The following CLSTN2 variants were observed in gnomAD, a reference collection of about 807,000 sequenced individuals.
CLSTN2 encodes calsyntenin-2.
Under a neutral mutation model 101.2 loss-of-function variants are expected in CLSTN2, and 48 were observed. The ratio of observed to expected loss-of-function variants is 0.47; its 90% CI spans 0.38 to 0.60. CLSTN2 has a LOEUF of 0.60. CLSTN2 is among the 20% of genes least tolerant of loss of function. The probability of loss-of-function intolerance (pLI) is 0.00; values close to 1 mark genes in which losing one functional copy is unlikely to be tolerated. For missense variants in CLSTN2, 1,160 were observed against 1,238.2 expected (o/e 0.94, Z 0.95); for synonymous variants, 481 against 463.6 (o/e 1.04, Z -0.48).
intron 1 of CLSTN2, among the ~76,000 whole-genome samples, chr3:140,115,903 C>T (rs970992342): frequency 5.3e-5 from 8 of 152,186 alleles, no homozygotes; most frequent in Non-Finnish European, 8.8e-5. Flanking sequence ...GAGTGGGCTC[C>T]GTTGTTAGGC....
chr3:140,481,056 G>A (rs1305506115), intron 8 of CLSTN2, among the ~76,000 whole-genome samples: 2 of 152,106 alleles, frequency 1.3e-5, no homozygotes, highest in Non-Finnish European at 2.9e-5. Flanking sequence ...CCTATGTTTT[G>A]TTCGAGGGTT....
chr3:140,108,856 G>C (rs2009105545), intron 1 of CLSTN2, among the ~76,000 whole-genome samples: 1 of 152,202 alleles, frequency 6.6e-6, no homozygotes, highest in African/African-American at 2.4e-5. Flanking sequence ...GAAAAGGATG[G>C]AGTTAGCATT....
At chr3:140,459,931 T>C (rs1226488153) in intron 7 of CLSTN2, among the ~76,000 whole-genome samples, 162 bp downstream of exon 7, 1 of 152,162 alleles carries the variant, frequency 6.6e-6, no homozygotes, top group African/African-American at 2.4e-5. Context: ...TTCTGGCTGC[T>C]GATTTTCCAG....
chr3:140,231,216 A>G lies in CLSTN2; in HGVS notation c.232+55143A>G, dbSNP rs145954605. The stretch of plus-strand genomic sequence containing the variant: ...GGGGCTCCCACTATCTCATCATGTC[A>G]CCCAAGAGCCCTTTCTAACTGAAGC... On this transcript the variant is annotated intron_variant, in intron 2 of 16. Coordinates refer to ENST00000458420, the MANE Select transcript of CLSTN2 (RefSeq NM_022131.3). Among the ~76,000 whole-genome samples the G allele has an allele frequency of 4.0e-5, 6 of 151,796 alleles. No individual in the cohort carries two copies. The East Asian group carries it at 1.2e-3, about 30-fold the overall frequency.
intron 2 of CLSTN2, among the ~76,000 whole-genome samples, chr3:140,356,533 G>A (rs1052903042): frequency 1.3e-5 from 2 of 152,074 alleles, no homozygotes; most frequent in African/African-American, 4.8e-5. Context: ...GCCAAGGTGG[G>A]CAGATCACAA....
intron 1 of CLSTN2, among the ~76,000 whole-genome samples, chr3:139,987,578 A>G (rs1279703284): frequency 6.6e-6 from 1 of 152,236 alleles, no homozygotes; most frequent in African/African-American, 2.4e-5. Context: ...TGCATAGGTA[A>G]GAGAGATATT....
intron 1 of CLSTN2, among the ~76,000 whole-genome samples, chr3:139,957,300 A>T (rs886513773): frequency 2.6e-5 from 4 of 152,024 alleles, no homozygotes; most frequent in Non-Finnish European, 4.4e-5. Flanking sequence ...TCCCAGCAGG[A>T]TCTGGGATGC....
intron 2 of CLSTN2, among the ~76,000 whole-genome samples, chr3:140,294,261 G>A (rs1379935996): frequency 6.6e-6 from 1 of 152,308 alleles, no homozygotes; most frequent in Non-Finnish European, 1.5e-5. Context: ...TAATTACAAA[G>A]TTTAGAAATT....
At position 140,441,901 on chromosome 3, in the gene CLSTN2, C is replaced by T. The variant is rs2088771163; in HGVS notation, c.788-6618C>T. 2.6e-5 allele frequency among the ~76,000 whole-genome samples: 4 copies of T among 152,176 alleles called. No homozygotes were observed. The South Asian group carries it at 6.2e-4, about 24-fold the overall frequency. ...CTCCCGAGCCTCACATATGTCTGCA[C>T]CTTCTGAGACATGGCAGCTGCTGGG... On this transcript the variant is annotated intron_variant, in intron 5 of 16. Coordinates refer to ENST00000458420, the MANE Select transcript of CLSTN2 (RefSeq NM_022131.3).
intron 2 of CLSTN2, among the ~76,000 whole-genome samples, chr3:140,228,711 G>T (rs571335130): frequency 5.1e-4 from 77 of 152,310 alleles, no homozygotes; most frequent in African/African-American, 1.3e-3. Context: ...CACAATCATG[G>T]CGGAAGGCAA....
At chr3:140,357,635 G>A (rs1156984415) in intron 2 of CLSTN2, among the ~76,000 whole-genome samples, 1 of 152,202 alleles carries the variant, frequency 6.6e-6, no homozygotes, top group Non-Finnish European at 1.5e-5. Context: ...ACTGAGCCCA[G>A]GCAGAAAAGA....
At chr3:139,989,960 T>C (rs1936089784) in intron 1 of CLSTN2, among the ~76,000 whole-genome samples, 1 of 152,232 alleles carries the variant, frequency 6.6e-6, no homozygotes, top group Admixed American at 6.5e-5. Flanking sequence ...TATTTTTTCT[T>C]ACAAATTACA....
intron 2 of CLSTN2, among the ~76,000 whole-genome samples, chr3:140,370,068 C>T (rs2087833860): frequency 6.6e-6 from 1 of 152,218 alleles, no homozygotes; most frequent in Admixed American, 6.5e-5. Flanking sequence ...CTCCATTAGT[C>T]ATGAGTGACA....
intron 2 of CLSTN2, among the ~76,000 whole-genome samples, chr3:140,358,386 T>A (rs2087695795): frequency 6.6e-6 from 1 of 152,146 alleles, no homozygotes; most frequent in Non-Finnish European, 1.5e-5. Context: ...TTGGGGGAAT[T>A]TTTAATCTAT....
At chr3:140,372,085 G>A (rs2087864202) in intron 2 of CLSTN2, among the ~76,000 whole-genome samples, 1 of 152,186 alleles carries the variant, frequency 6.6e-6, no homozygotes, top group African/African-American at 2.4e-5. Flanking sequence ...CTAGAGCTGG[G>A]AGGGAGGAGC....
At chr3:140,257,839 A>T (rs535482832) in intron 2 of CLSTN2, among the ~76,000 whole-genome samples, 1 of 152,296 alleles carries the variant, frequency 6.6e-6, no homozygotes, top group South Asian at 2.1e-4. Context: ...CTCAAAGATC[A>T]ATCTCTAGTT....
chr3:140,259,040 C>T (rs1222069506), intron 2 of CLSTN2, among the ~76,000 whole-genome samples: 1 of 152,042 alleles, frequency 6.6e-6, no homozygotes, highest in Non-Finnish European at 1.5e-5. Flanking sequence ...AGTTTGGTGT[C>T]TATACCATGC....
chr3:140,178,833 G>A (rs912517620), intron 2 of CLSTN2, among the ~76,000 whole-genome samples: 5 of 152,062 alleles, frequency 3.3e-5, no homozygotes, highest in African/African-American at 4.8e-5. Context: ...TTTAGTCCTC[G>A]CTTATCAGCT....
chr3:140,134,323 C>T (rs1463283868), intron 1 of CLSTN2, among the ~76,000 whole-genome samples: 1 of 152,172 alleles, frequency 6.6e-6, no homozygotes, highest in Non-Finnish European at 1.5e-5. Flanking sequence ...GCAGTTAGAA[C>T]TCTCTGCTGC....
Sources: allele counts gnomAD v4.1 joint callset (sites outside exome capture counted in the v4.1 genomes callset), GRCh38; gene constraint gnomAD v4.1.1; transcripts MANE v1.5; gene names NCBI Gene and HGNC (gene_info 2026-07-23, HGNC 2026-07-21).